The following ROBO3 variants were observed in gnomAD, a reference collection of about 807,000 sequenced individuals.
ROBO3 encodes roundabout homolog 3.
Under a neutral mutation model 160.5 loss-of-function variants are expected in ROBO3, and 97 were observed. The ratio of observed to expected loss-of-function variants is 0.60; its 90% CI spans 0.51 to 0.72. ROBO3 has a LOEUF of 0.72. Ranked by LOEUF, ROBO3 falls within the 30% of genes least tolerant of loss-of-function variation. The probability of loss-of-function intolerance (pLI) is 0.00; values close to 1 mark genes in which losing one functional copy is unlikely to be tolerated. For missense variants in ROBO3, 1,858 were observed against 1,846.5 expected (o/e 1.01, Z -0.11); for synonymous variants, 780 against 746.2 (o/e 1.05, Z -0.74).
Position 124,876,879 on chromosome 11 carries a change from G to T in ROBO3, c.2780-282G>T, listed in dbSNP as rs565405065. Reference sequence around the variant, plus strand: ...GGCCCGCTGAAAGAAGGCGATCCGAGTTCTGCTACTTCCTAGTAAGGGACG... The same window carrying T: ...GGCCCGCTGAAAGAAGGCGATCCGATTTCTGCTACTTCCTAGTAAGGGACG... On this transcript the variant is annotated intron_variant, in intron 17 of 27. Transcript: ENST00000397801. The surrounding 1 kb of genome is among the most constrained non-coding windows in gnomAD (Gnocchi z 5.3). 8.6e-6 allele frequency: 5 copies of T among 579,918 alleles called. No individual in the cohort carries two copies. The highest frequency in any genetic ancestry group is 6.7e-5 in the South Asian group (3 of 45,096). The allele number at this position is 579,918 out of a possible 1,614,324, so 35.9% of individuals were successfully genotyped here.
intron 7 of ROBO3, among the ~76,000 whole-genome samples, chr11:124,871,476 GC>G (rs936721825): frequency 3.9e-5 from 6 of 152,252 alleles, no homozygotes; most frequent in Admixed American, 3.9e-4. Flanking sequence ...TTGGGCTTTG[GC>G]TTTGGACATA....
rs1473674434 is a variant in ROBO3 at position 124,876,251 on chromosome 11, CCCTCACTT to C, written c.2594-22_2594-15del. Reference sequence around the variant, plus strand: ...GTTCCAGGGTTTCGGGCCCCTCCTCCCCTCACTTCTCTGACCCCCACAGCGTCCCCGCC... The same window carrying C: ...GTTCCAGGGTTTCGGGCCCCTCCTCCCTCTGACCCCCACAGCGTCCCCGCC... On this transcript the variant is annotated splice_polypyrimidine_tract_variant and intron_variant, in intron 16 of 27. Coordinates refer to ENST00000397801, the MANE Select transcript of ROBO3 (RefSeq NM_022370.4). This position sits in a 1 kb window ranked among gnomAD's most constrained non-coding sequence, Gnocchi z 5.3. 2 of 1,493,364 alleles carry C rather than the reference CCCTCACTT, an allele frequency of 1.3e-6. No homozygotes were observed. The highest frequency in any genetic ancestry group is 1.8e-6 in the Non-Finnish European group (2 of 1,131,316). 92.5% of individuals were successfully genotyped at this position (1,493,364 alleles called of 1,614,324 possible).
At position 124,876,542 on chromosome 11, in the gene ROBO3, G is replaced by T. The variant is rs1332113469; in HGVS notation, c.2779+82G>T. ...GAGGGGCAGGGGCTTAGCCGCTGGCGAGTGAGGACCGGGTCGGGAGAAAGG... is the reference window on the plus strand; with the variant it reads ...GAGGGGCAGGGGCTTAGCCGCTGGCTAGTGAGGACCGGGTCGGGAGAAAGG... On this transcript the variant is annotated intron_variant, in intron 17 of 27. Transcript: ENST00000397801. This position sits in a 1 kb window ranked among gnomAD's most constrained non-coding sequence, Gnocchi z 5.3. 4 of 1,202,012 alleles carry T rather than the reference G, an allele frequency of 3.3e-6. No individual in the cohort carries two copies. In the East Asian group the frequency reaches 1.2e-4, roughly 37 times the overall value. The allele number at this position is 1,202,012 out of a possible 1,614,324, so 74.5% of individuals were successfully genotyped here. A position where few individuals can be genotyped will look rare whatever the true frequency, so the allele number is the denominator to read the frequency against.
At chr11:124,877,684 G>C in intron 20 of ROBO3, 26 bp downstream of exon 20, 1 of 1,607,408 alleles carries the variant, frequency 6.2e-7, no homozygotes, top group Non-Finnish European at 8.5e-7. Context: ...TCCCTCACCT[G>C]GCTTCAGCGC....
chr11:124,876,372 C>A lies in ROBO3; in HGVS notation c.2691C>A (p.Ser897Arg). The change falls in exon 17 of 28, where the codon AGC becomes AGA. Residue 897 changes from serine to arginine, a missense_variant. By Grantham distance (110) the Ser-to-Arg change is moderately radical. Transcript: ENST00000397801. This position sits in a 1 kb window ranked among gnomAD's most constrained non-coding sequence, Gnocchi z 5.3. ...VLREPAFLAG[S>R]GAACGALLLG... ...GGGAGCCCGCCTTCCTCGCGGGCAG[C>A]GGCGCAGCCTGCGGGGCGCTGCTTC... The A allele has an allele frequency of 7.0e-7, 1 of 1,438,202 alleles. No individual in the cohort carries two copies. Among genetic ancestry groups the A allele is most frequent in the Non-Finnish European group, 9.1e-7 (1 of 1,103,802 alleles). 89.1% of individuals were successfully genotyped at this position (1,438,202 alleles called of 1,614,324 possible). A position where few individuals can be genotyped will look rare whatever the true frequency, so the allele number is the denominator to read the frequency against.
rs1946452829 is a variant in ROBO3 at position 124,878,191 on chromosome 11, C to G, written c.3181+60C>G. On this transcript the variant is annotated intron_variant, in intron 21 of 27. Coordinates refer to ENST00000397801, the MANE Select transcript of ROBO3 (RefSeq NM_022370.4). The surrounding 1 kb of genome is among the most constrained non-coding windows in gnomAD (Gnocchi z 4.3). ...TGACCAGGGTATCCCCAAAGAGGAT[C>G]CTCCTCCCTGACCCTCTGGCACCTA... 1 of 1,566,152 alleles carries G rather than the reference C, an allele frequency of 6.4e-7. No individual in the cohort carries two copies. Among genetic ancestry groups the G allele is most frequent in the African/African-American group, 1.4e-5 (1 of 73,890 alleles).
At chr11:124,870,334 C>T (rs768042012) in intron 5 of ROBO3, 31 bp downstream of exon 5, 9 of 1,602,296 alleles carry the variant, frequency 5.6e-6, no homozygotes, top group Middle Eastern at 1.7e-4. Flanking sequence ...TGTAGGAAGA[C>T]CCAACCTGAT....
Position 124,875,289 on chromosome 11 carries a change from G to C in ROBO3, c.2252G>C (p.Gly751Ala), listed in dbSNP as rs1946339480. The part of the protein sequence containing the change: ...QIKVQAQGQE[G>A]LGAESLSVTR... ...AAGGTGCAAGCCCAAGGCCAGGAGG[G>C]GCTGGGGGCTGAAAGCCTCTCTGTG... is the stretch of plus-strand genomic sequence containing the variant. The change falls in exon 14 of 28, where the codon GGG becomes GCG. Residue 751 changes from glycine (G) to alanine (A), a missense_variant. Transcript: ENST00000397801. The C allele has an allele frequency of 1.9e-6, 3 of 1,613,642 alleles. No individual in the cohort carries two copies. Among genetic ancestry groups the C allele is most frequent in the Non-Finnish European group, 1.7e-6 (2 of 1,179,862 alleles).
rs1211082290 is a variant in ROBO3 at position 124,876,482 on chromosome 11, G to C, written c.2779+22G>C. On this transcript the variant is annotated intron_variant, in intron 17 of 27. Transcript: ENST00000397801. The surrounding 1 kb of genome is among the most constrained non-coding windows in gnomAD (Gnocchi z 5.3). The stretch of plus-strand genomic sequence containing the variant: ...ACGGGTGAGCTCCCGGCCTCGGAGC[G>C]GACGGATCCGGGAGGGAGCCAGGCG... 4 of 1,365,582 alleles carry C rather than the reference G, an allele frequency of 2.9e-6. No individual in the cohort carries two copies. Among genetic ancestry groups the C allele is most frequent in the Non-Finnish European group, 2.8e-6 (3 of 1,064,736 alleles). 84.6% of individuals were successfully genotyped at this position (1,365,582 alleles called of 1,614,324 possible).
intron 1 of ROBO3, among the ~76,000 whole-genome samples, chr11:124,866,803 C>T (rs1946203007): frequency 6.6e-6 from 1 of 152,056 alleles, no homozygotes; most frequent in African/African-American, 2.4e-5. Flanking sequence ...GGGGAAAAGG[C>T]CGACCAGAAG....
Position 124,876,622 on chromosome 11 carries a change from G to A in ROBO3, c.2779+162G>A. 1.8e-6 allele frequency: 1 copy of A among 570,678 alleles called. No homozygotes were observed. Among genetic ancestry groups the A allele is most frequent in the Non-Finnish European group, 2.8e-6 (1 of 361,330 alleles). 35.4% of individuals were successfully genotyped at this position (570,678 alleles called of 1,614,324 possible). On this transcript the variant is annotated intron_variant, in intron 17 of 27. Coordinates refer to ENST00000397801, the MANE Select transcript of ROBO3 (RefSeq NM_022370.4). The surrounding 1 kb of genome is among the most constrained non-coding windows in gnomAD (Gnocchi z 5.3). ...AGGGGCGGGATACGTGGGGCGACTC[G>A]AGGAGCTGCCAGGACTAGGGAGGGC...
At chr11:124,881,217 G>A in intron 27 of ROBO3, 22 bp from the exon 28 acceptor site, 1 of 1,602,430 alleles carries the variant, frequency 6.2e-7, no homozygotes. Context: ...TTACAAAACA[G>A]CATCTCTCTC....
In ROBO3 at chr11:124,869,204, A is replaced by C. The variant is rs1946245472; in HGVS notation, c.487+76A>C. 1 of 1,431,742 alleles carries C rather than the reference A, an allele frequency of 7.0e-7. No homozygotes were observed. Among genetic ancestry groups the C allele is most frequent in the African/African-American group, 1.4e-5 (1 of 70,552 alleles). The allele number at this position is 1,431,742 out of a possible 1,614,324, so 88.7% of individuals were successfully genotyped here. On this transcript the variant is annotated intron_variant, in intron 2 of 27. Transcript: ENST00000397801. The surrounding 1 kb of genome is among the most constrained non-coding windows in gnomAD (Gnocchi z 4.2). The stretch of plus-strand genomic sequence containing the variant: ...GGGAGGGCACTGGGCAATCAGACCC[A>C]GAACCAGCCCCAAAGGACTTCAGCC...
At chr11:124,870,548 G>A in intron 5 of ROBO3, 53 bp from the exon 6 acceptor site, 1 of 1,611,810 alleles carries the variant, frequency 6.2e-7, no homozygotes, top group South Asian at 1.1e-5. Context: ...CTGGGGGAGA[G>A]AGAAAGGGTC....
Position 124,878,041 on chromosome 11 carries a change from A to T in ROBO3, c.3091A>T (p.Thr1031Ser), listed in dbSNP as rs886047909. The T allele has an allele frequency of 1.2e-6, 2 of 1,612,284 alleles. No individual in the cohort carries two copies. The highest frequency in any genetic ancestry group is 1.7e-6 in the Non-Finnish European group (2 of 1,179,334). ...TIDPAGEELQ[T>S]FHGGFPQHPS... ...TGACCCAGCGGGGGAGGAGCTGCAG[A>T]CCTTCCATGGGGGCTTCCCCCAACA... Residue 1031 changes from threonine to serine, a missense_variant, in exon 21 of 28, where the codon ACC (threonine) becomes TCC (serine). Physicochemically the swap from Thr to Ser is moderately conservative, Grantham distance 58. Transcript: ENST00000397801. The surrounding 1 kb of genome is among the most constrained non-coding windows in gnomAD (Gnocchi z 4.3).
Position 124,877,071 on chromosome 11 carries a change from C to T in ROBO3, c.2780-90C>T, listed in dbSNP as rs374753498. The T allele has an allele frequency of 1.7e-5, 24 of 1,430,266 alleles. No individual in the cohort carries two copies. In the East Asian group the frequency reaches 3.2e-4, roughly 19 times the overall value. The allele number at this position is 1,430,266 out of a possible 1,614,324, so 88.6% of individuals were successfully genotyped here. On this transcript the variant is annotated intron_variant, in intron 17 of 27. Coordinates refer to ENST00000397801, the MANE Select transcript of ROBO3 (RefSeq NM_022370.4). ...TGCAGCCTGAGTGGTGGAACTGGGA[C>T]CGGGGCCTAGGCGTGGACAAGTATA...
rs1224090897 is a variant in ROBO3 at position 124,872,563 on chromosome 11, A to G, written c.1330+11A>G. ...TGGAGATAAAAGGAGGTACGTGCCCATGGAGATAGGACTGGATCCATGGCT... is the reference window on the plus strand; with the variant it reads ...TGGAGATAAAAGGAGGTACGTGCCCGTGGAGATAGGACTGGATCCATGGCT... On this transcript the variant is annotated intron_variant, in intron 8 of 27. Coordinates refer to ENST00000397801, the MANE Select transcript of ROBO3 (RefSeq NM_022370.4). The surrounding 1 kb of genome is among the most constrained non-coding windows in gnomAD (Gnocchi z 4.3). The G allele has an allele frequency of 1.9e-6, 3 of 1,611,650 alleles. No homozygotes were observed. Among genetic ancestry groups the G allele is most frequent in the Non-Finnish European group, 1.7e-6 (2 of 1,178,130 alleles).
rs1440185407 is a variant in ROBO3, at chr11:124,873,973, G to A, written c.1785-97G>A. On this transcript the variant is annotated intron_variant, in intron 11 of 27. Coordinates refer to ENST00000397801, the MANE Select transcript of ROBO3 (RefSeq NM_022370.4). This position sits in a 1 kb window ranked among gnomAD's most constrained non-coding sequence, Gnocchi z 4.5. ...ATTCTCCAGTACCCTCTTGCAAGGG[G>A]AAGACATAATGGTCGTTCATAGAGA... The A allele has an allele frequency of 6.3e-7, 1 of 1,585,572 alleles. No homozygotes were observed. The highest frequency in any genetic ancestry group is 8.6e-7 in the Non-Finnish European group (1 of 1,158,292).
At chr11:124,866,094 C>A (rs1484888772) in intron 1 of ROBO3, among the ~76,000 whole-genome samples, 6 of 152,240 alleles carry the variant, frequency 3.9e-5, no homozygotes, top group Middle Eastern at 3.2e-3. Flanking sequence ...GGGGCACAGT[C>A]TCCCGCCGGC....
Sources: allele counts gnomAD v4.1 joint callset (sites outside exome capture counted in the v4.1 genomes callset), GRCh38; gene constraint gnomAD v4.1.1; non-coding constraint Gnocchi (gnomAD v3.1); transcripts MANE v1.5; gene names NCBI Gene and HGNC (gene_info 2026-07-23, HGNC 2026-07-21).